ZNF254: variants seen among roughly 807,000 people sequenced by gnomAD.
ZNF254 encodes CTD-2017D11.1.
ZNF254 carries 10 observed loss-of-function variants against 12.4 expected under a neutral mutation model. The observed-to-expected ratio is 0.80, with a 90% CI of 0.50 to 1.36. ZNF254 has a LOEUF of 1.36. Ranked by LOEUF, ZNF254 falls within the 40% of genes most tolerant of loss-of-function variation. The pLI is 0.00. For missense variants in ZNF254, 996 were observed against 763.9 expected (o/e 1.30, Z -3.58); for synonymous variants, 305 against 253.4 (o/e 1.20, Z -1.93).
At chr19:24,106,477 A>T in intron 2 of ZNF254, 71 bp from the exon 3 acceptor site, 1 of 1,234,496 alleles carries the variant, frequency 8.1e-7, no homozygotes, top group Non-Finnish European at 1.1e-6. Context: ...TATCCTCCTT[A>T]CTGAGCACAT....
At chr19:24,115,535 G>A (rs1464056669) in intron 3 of ZNF254, among the ~76,000 whole-genome samples, 2 of 146,174 alleles carry the variant, frequency 1.4e-5, no homozygotes, top group Non-Finnish European at 3.0e-5. Flanking sequence ...GGGATGGGGG[G>A]ATGGGGGAGG....
At chr19:24,042,474 A>G (rs1180984367) in intron 1 of ZNF254, among the ~76,000 whole-genome samples, 1 of 152,180 alleles carries the variant, frequency 6.6e-6, no homozygotes, top group African/African-American at 2.4e-5. Flanking sequence ...CTTTGGGTGC[A>G]CGCTGCTTTT....
intron 2 of ZNF254, among the ~76,000 whole-genome samples, chr19:24,054,060 A>G (rs923175653): frequency 3.3e-5 from 5 of 152,052 alleles, no homozygotes; most frequent in African/African-American, 9.7e-5. Context: ...ATTGTGACAT[A>G]TCCCTGGAAC....
intron 1 of ZNF254, among the ~76,000 whole-genome samples, chr19:24,100,672 GTC>G (rs142703038): frequency 1.4e-5 from 2 of 142,500 alleles, no homozygotes; most frequent in Non-Finnish European, 3.1e-5. Context: ...AAGTTTGTAT[GTC>G]TCTCTCTCTT....
chr19:24,049,214 A>ATATATATATATATTTTT (rs1160333151), intron 2 of ZNF254, among the ~76,000 whole-genome samples: 2 of 40,862 alleles, frequency 4.9e-5, no homozygotes, highest in Non-Finnish European at 8.2e-5. Flanking sequence ...ATATATATAT[A>ATATATATATATATTTTT]TTTTTTTTTT....
At chr19:24,124,834 T>A (rs1245076974) in intron 3 of ZNF254, among the ~76,000 whole-genome samples, 2 of 151,892 alleles carry the variant, frequency 1.3e-5, no homozygotes, top group Non-Finnish European at 2.9e-5. Flanking sequence ...AGTGTAGTGG[T>A]GTGACCTGAG....
chr19:24,053,535 A>T (rs1970726235), intron 2 of ZNF254, among the ~76,000 whole-genome samples: 1 of 151,550 alleles, frequency 6.6e-6, no homozygotes, highest in South Asian at 2.1e-4. Context: ...TTCCACAGAG[A>T]ACACTGGACA....
intron 2 of ZNF254, among the ~76,000 whole-genome samples, chr19:24,049,253 A>G (rs1330438594): frequency 8.6e-6 from 1 of 115,684 alleles, no homozygotes; most frequent in Middle Eastern, 4.9e-3. Flanking sequence ...ATTTTTTAAT[A>G]TAGGGGTTGT....
At chr19:24,099,412 G>C (rs1490947994) in intron 1 of ZNF254, among the ~76,000 whole-genome samples, 1 of 152,122 alleles carries the variant, frequency 6.6e-6, no homozygotes, top group Non-Finnish European at 1.5e-5. Context: ...TATGTCAGTG[G>C]CAGGTGGTAC....
chr19:24,088,813 C>T lies in ZNF254; in HGVS notation c.30+1476C>T, dbSNP rs145860532. ...CTGGAATTATAGGCGCCCGCCCCCACGCCTGGCTAATTTTTGTATTTTTAG... is the reference window on the plus strand; with the variant it reads ...CTGGAATTATAGGCGCCCGCCCCCATGCCTGGCTAATTTTTGTATTTTTAG... On this transcript the variant is annotated intron_variant, in intron 1 of 3. Transcript: ENST00000357002. Among the ~76,000 whole-genome samples the T allele has an allele frequency of 8.6e-5, 13 of 151,914 alleles. 1 individual carries two copies. Among genetic ancestry groups the T allele is most frequent in the African/African-American group, 2.4e-4 (10 of 41,414 alleles).
At chr19:24,056,426 GTTC>G (rs527499989) in intron 2 of ZNF254, among the ~76,000 whole-genome samples, 16 of 152,110 alleles carry the variant, frequency 1.1e-4, no homozygotes, top group Non-Finnish European at 1.6e-4. Context: ...AACAAGTGTG[GTTC>G]TTCTTCCATC....
At position 24,097,390 on chromosome 19, in the gene ZNF254, TAAAGATTAA is replaced by T. The variant is rs1301011020; in HGVS notation, c.31-8547_31-8539del. ...TGGTGATCGTTTGCAGGCTGAATTA[TAAAGATTAA>T]AAGATACTGAGTAAGTTGTTTGACA... On this transcript the variant is annotated intron_variant, in intron 1 of 3. Coordinates refer to ENST00000357002, the MANE Select transcript of ZNF254 (RefSeq NM_203282.4). Among the ~76,000 whole-genome samples the T allele has an allele frequency of 7.2e-5, 11 of 152,318 alleles. No homozygotes were observed. The East Asian group carries it at 2.1e-3, about 29-fold the overall frequency.
intron 3 of ZNF254, among the ~76,000 whole-genome samples, chr19:24,110,342 C>T (rs1486142338): frequency 6.6e-6 from 1 of 151,956 alleles, no homozygotes; most frequent in Non-Finnish European, 1.5e-5. Context: ...AGGAGGATTG[C>T]TTGAGCCCAA....
chr19:24,053,677 G>A (rs1471638806), intron 2 of ZNF254, among the ~76,000 whole-genome samples: 2 of 152,154 alleles, frequency 1.3e-5, no homozygotes, highest in Non-Finnish European at 2.9e-5. Flanking sequence ...GGTTCCTCTT[G>A]TACATTGTGT....
rs190093231 is a variant in ZNF254, at chr19:24,122,579, A to G, written c.254-3675A>G. ...AAACGCCAGTCTGTTCTTTGTTTCT[A>G]AGAGTGTAACTCCTTCATATATTTC... is the stretch of plus-strand genomic sequence containing the variant. On this transcript the variant is annotated intron_variant, in intron 3 of 3. Coordinates refer to ENST00000357002, the MANE Select transcript of ZNF254 (RefSeq NM_203282.4). Among the ~76,000 whole-genome samples the G allele has an allele frequency of 9.2e-5, 14 of 151,988 alleles. 1 individual carries two copies. Among genetic ancestry groups the G allele is most frequent in the Admixed American group, 5.9e-4 (9 of 15,272 alleles).
At chr19:24,039,129 T>G (rs543024224) in intron 1 of ZNF254, among the ~76,000 whole-genome samples, 5 of 152,356 alleles carry the variant, frequency 3.3e-5, no homozygotes, top group Non-Finnish European at 7.3e-5. Context: ...CTCTCCTCAC[T>G]GTAACACAAT....
At chr19:24,111,344 G>A (rs532725112) in intron 3 of ZNF254, among the ~76,000 whole-genome samples, 13 of 152,224 alleles carry the variant, frequency 8.5e-5, no homozygotes, top group Admixed American at 4.6e-4. Flanking sequence ...TCTTAATCCA[G>A]TGTATCATTG....
rs1352931768 is a variant in ZNF254 at position 24,127,442 on chromosome 19, A to G, written c.1442A>G (p.Lys481Arg). Residue 481 changes from lysine (K) to arginine (R), a missense_variant, in exon 4 of 4, where the codon AAG (lysine) becomes AGG (arginine). Physicochemically the swap from Lys to Arg is conservative, Grantham distance 26. Transcript: ENST00000357002. ...FIWSSTLTRH[K>R]RMHTGEKPYK... ...TGGTCCTCAACCCTAACTAGACATA[A>G]GAGGATGCACACTGGAGAGAAACCC... 6.2e-7 allele frequency: 1 copy of G among 1,612,702 alleles called. No homozygotes were observed. The highest frequency in any genetic ancestry group is 1.7e-5 in the Admixed American group (1 of 59,954).
At chr19:24,089,330 C>G (rs547775147) in intron 1 of ZNF254, among the ~76,000 whole-genome samples, 2 of 152,206 alleles carry the variant, frequency 1.3e-5, no homozygotes, top group South Asian at 4.1e-4. Context: ...GGTTTGTTTT[C>G]TTTTTGTAAA....
Sources: gnomAD v4.1 joint callset for allele counts (sites outside exome capture counted in the v4.1 genomes callset) on GRCh38, gnomAD v4.1.1 for gene constraint, MANE v1.5 for transcripts, NCBI Gene and HGNC (gene_info 2026-07-23, HGNC 2026-07-21) for gene names.